Variants in OTOA observed in about 807,000 individuals in gnomAD.
The protein encoded by OTOA is cancer/testis antigen 108.
OTOA carries 70 observed loss-of-function variants against 110.8 expected under a neutral mutation model. That is an observed-to-expected ratio of 0.63 (90% CI 0.52 to 0.77). OTOA has a LOEUF of 0.77. OTOA is among the 30% of genes least tolerant of loss of function. The pLI is 0.00. For synonymous variants in OTOA, 373 were observed against 431.5 expected, an observed-to-expected ratio of 0.86 and a Z score of 1.68; for missense variants, 917 against 1,075.8, an observed-to-expected ratio of 0.85 and a Z score of 2.06.
At chr16:21,711,768 T>C (rs924561649) in intron 13 of OTOA, among the ~76,000 whole-genome samples, 7 of 152,094 alleles carry the variant, frequency 4.6e-5, no homozygotes, top group Admixed American at 6.6e-5. Context: ...TGCCTGGCTT[T>C]TGGTGTCCTT....
rs182088671 is a variant in OTOA at position 21,677,372 on chromosome 16, G to T, written c.-4-1139G>T. Among the ~76,000 whole-genome samples, 35 of 151,968 alleles carry T rather than the reference G, an allele frequency of 2.3e-4. 1 individual carries two copies. The highest frequency in any genetic ancestry group is 6.8e-3 in the Middle Eastern group (2 of 292). ...TTGCCCATTCTAGTGACTTTGTAGT[G>T]GTCTCGTTGTGAGTTTAATTTGCTA... On this transcript the variant is annotated intron_variant, in intron 1 of 28. Transcript: ENST00000646100.
At chr16:21,700,755 C>T (rs1400947563) in intron 10 of OTOA, 133 bp from the exon 11 acceptor site, 1 of 935,206 alleles carries the variant, frequency 1.1e-6, no homozygotes, top group Non-Finnish European at 1.6e-6. Context: ...GAAAAAAAGA[C>T]ATCAATGACA....
chr16:21,674,843 T>C (rs898051048), intron 1 of OTOA, among the ~76,000 whole-genome samples: 1 of 150,624 alleles, frequency 6.6e-6, no homozygotes, highest in African/African-American at 2.4e-5. Flanking sequence ...GTTTTAAGAG[T>C]TTTTCAATAT....
At chr16:21,689,538 G>A (rs1341822163) in intron 8 of OTOA, among the ~76,000 whole-genome samples, 2 of 152,132 alleles carry the variant, frequency 1.3e-5, no homozygotes, top group Non-Finnish European at 2.9e-5. Context: ...AGCAAAAAGG[G>A]AATTATTGGA....
At chr16:21,675,125 C>G (rs1326335031) in intron 1 of OTOA, among the ~76,000 whole-genome samples, 1 of 122,968 alleles carries the variant, frequency 8.1e-6, no homozygotes, top group Non-Finnish European at 1.8e-5. Flanking sequence ...TTTTCTTTCT[C>G]TCTTTCTTTC....
intron 1 of OTOA, among the ~76,000 whole-genome samples, chr16:21,677,551 G>A (rs558471292): frequency 1.5e-4 from 21 of 142,950 alleles, no homozygotes; most frequent in East Asian, 1.0e-3. Context: ...GCGTGATCTC[G>A]GCTCACTGCA....
At chr16:21,720,028 T>C (rs1235605181) in intron 17 of OTOA, among the ~76,000 whole-genome samples, 1 of 151,996 alleles carries the variant, frequency 6.6e-6, no homozygotes, top group African/African-American at 2.4e-5. Context: ...TAATCATGGT[T>C]CATTGCAGCC....
chr16:21,688,201 A>C (rs1897758321), intron 8 of OTOA, among the ~76,000 whole-genome samples: 1 of 152,042 alleles, frequency 6.6e-6, no homozygotes, highest in Non-Finnish European at 1.5e-5. Flanking sequence ...CAGCCTGGCC[A>C]ACATAATGAA....
intron 6 of OTOA, chr16:21,684,591 G>C: frequency 3.3e-6 from 5 of 1,492,556 alleles, no homozygotes; most frequent in Non-Finnish European, 4.6e-6. Flanking sequence ...GGCTGGGCCT[G>C]AGAGTTACTT....
chr16:21,723,436 C>T (rs1385440992), intron 18 of OTOA, among the ~76,000 whole-genome samples: 3 of 142,898 alleles, frequency 2.1e-5, no homozygotes, highest in Admixed American at 7.1e-5. Context: ...TTATTGTCTT[C>T]GTTCATTCAA....
Position 21,687,624 on chromosome 16 carries a change from T to C in OTOA, c.611T>C (p.Leu204Pro), listed in dbSNP as rs751201977. Residue 204 changes from leucine to proline, a missense_variant, in exon 8 of 29, where the codon CTG becomes CCG. Coordinates refer to ENST00000646100, the MANE Select transcript of OTOA (RefSeq NM_144672.4). The stretch of plus-strand genomic sequence containing the variant: ...ATCACAGAGCGGCTCCCTCGGGACC[T>C]GCGCGAGGATGCCTTTAAGAACCTG... ...PDITERLPRDLREDAFKNLSA... is the reference protein window; with the variant it reads ...PDITERLPRDPREDAFKNLSA... 5 of 1,612,236 alleles carry C rather than the reference T, an allele frequency of 3.1e-6. No individual in the cohort carries two copies. The highest frequency in any genetic ancestry group is 4.2e-6 in the Non-Finnish European group (5 of 1,179,660).
intron 3 of OTOA, 21 bp downstream of exon 3, chr16:21,678,964 T>TAATC (rs1966869474): frequency 6.2e-7 from 1 of 1,613,932 alleles, no homozygotes; most frequent in Middle Eastern, 1.7e-4. Context: ...TATTTTCTGT[T>TAATC]AATCAGAGTC....
chr16:21,695,224 A>ACC (rs34769468), intron 9 of OTOA, among the ~76,000 whole-genome samples: 21 of 128,508 alleles, frequency 1.6e-4, no homozygotes, highest in African/African-American at 6.4e-4. Flanking sequence ...ATGTAGTGAG[A>ACC]CCCCCCCCCC....
intron 21 of OTOA, among the ~76,000 whole-genome samples, chr16:21,733,552 C>T (rs11861417): frequency 0.025 from 3,757 of 151,554 alleles, 126 homozygotes; most frequent in African/African-American, 0.086. Context: ...GGCTTGCTCT[C>T]TGGGTGAGCC....
At chr16:21,677,636 C>T (rs1286234421) in intron 1 of OTOA, among the ~76,000 whole-genome samples, 1 of 151,720 alleles carries the variant, frequency 6.6e-6, no homozygotes, top group Non-Finnish European at 1.5e-5. Context: ...CGCCCGCCAC[C>T]ACGCCCGTCT....
At chr16:21,666,800 T>G (rs534325378) in intron 1 of OTOA, among the ~76,000 whole-genome samples, 1 of 152,206 alleles carries the variant, frequency 6.6e-6, no homozygotes, top group South Asian at 2.1e-4. Context: ...TTTTGACCAA[T>G]CTGCTAAAAA....
At chr16:21,691,841 T>TA (rs1897836520) in intron 9 of OTOA, among the ~76,000 whole-genome samples, 154 bp downstream of exon 9, 1 of 152,152 alleles carries the variant, frequency 6.6e-6, no homozygotes, top group African/African-American at 2.4e-5. Flanking sequence ...GCTTATGGAG[T>TA]AAAACACATA....
At chr16:21,702,574 A>G (rs1898074370) in intron 11 of OTOA, among the ~76,000 whole-genome samples, 1 of 152,128 alleles carries the variant, frequency 6.6e-6, no homozygotes, top group African/African-American at 2.4e-5. Flanking sequence ...CCGCTTCCCC[A>G]TCTGTAAAAT....
intron 1 of OTOA, among the ~76,000 whole-genome samples, chr16:21,676,179 A>C (rs2141650630): frequency 6.6e-6 from 1 of 152,242 alleles, no homozygotes; most frequent in Middle Eastern, 3.4e-3. Flanking sequence ...TTGGCCTCCC[A>C]AAGGGCTGGG....
Sources: gnomAD v4.1 joint callset for allele counts (sites outside exome capture counted in the v4.1 genomes callset) on GRCh38, gnomAD v4.1.1 for gene constraint, MANE v1.5 for transcripts, NCBI Gene and HGNC (gene_info 2026-07-23, HGNC 2026-07-21) for gene names.